The following GPR17 variants were observed in gnomAD, a reference collection of about 807,000 sequenced individuals.
The protein encoded by GPR17 is uracil nucleotide/cysteinyl leukotriene receptor.
In GPR17, 4 loss-of-function variants were observed where a neutral mutation model predicts 1.5. The observed-to-expected ratio is 2.73, with a 90% CI of 1.35 to 6.25. The LOEUF is 6.25. Among genes scored for constraint, GPR17 ranks in the 30% most tolerant of loss-of-function variants. The pLI is 0.00. For missense variants in GPR17, 463 were observed against 462.1 expected, an observed-to-expected ratio of 1.00 and a Z score of -0.02; for synonymous variants, 209 against 207.6, an observed-to-expected ratio of 1.01 and a Z score of -0.06.
chr2:127,650,347 A>G (rs1683603533), intron 1 of GPR17: 4 of 546,670 alleles, frequency 7.3e-6, no homozygotes, highest in Non-Finnish European at 1.3e-5. Context: ...CAGACAGCAC[A>G]CCTCAGAGGC....
At chr2:127,648,945 G>A (rs1410569496) in intron 1 of GPR17, among the ~76,000 whole-genome samples, 8 of 37,176 alleles carry the variant, frequency 2.2e-4, no homozygotes, top group African/African-American at 7.6e-4. Flanking sequence ...AAAAAAGAGA[G>A]GGAGGGGAGG....
chr2:127,651,324 C>T lies in GPR17; in HGVS notation c.589C>T (p.Leu197=). Residue 197 remains leucine, a synonymous_variant, in exon 2 of 2, where the codon CTG becomes TTG. Transcript: ENST00000486700. The stretch of plus-strand genomic sequence containing the variant: ...GGCCTCCCACCATGCCCTGGTGTCC[C>T]TGGCAGTGGCCTTCACCTTCCCGTT... ...EKASHHALVS[L]AVAFTFPFIT... The T allele has an allele frequency of 1.2e-6, 2 of 1,610,838 alleles. No individual in the cohort carries two copies. Among genetic ancestry groups the T allele is most frequent in the Non-Finnish European group, 1.7e-6 (2 of 1,180,032 alleles).
rs17852980 is a variant in GPR17, at chr2:127,650,855, G to A, written c.120G>A (p.Leu40=). 6.2e-7 allele frequency: 1 copy of A among 1,614,122 alleles called. No homozygotes were observed. Among genetic ancestry groups the A allele is most frequent in the Admixed American group, 1.7e-5 (1 of 60,034 alleles). ...ENMLFASFYL[L]DFILALVGNT... is the part of the protein sequence containing the mutation. ...TGCTGTTCGCCTCCTTCTACCTTCT[G>A]GATTTTATCCTGGCTTTAGTTGGCA... Residue 40 remains leucine (L), a synonymous_variant, in exon 2 of 2, where the codon CTG becomes CTA. Coordinates refer to ENST00000486700, the MANE Select transcript of GPR17 (RefSeq NM_001161417.2).
intron 1 of GPR17, 124 bp from the exon 2 acceptor site, chr2:127,650,592 G>T: frequency 1.5e-6 from 1 of 680,220 alleles, no homozygotes; most frequent in Non-Finnish European, 2.5e-6. Context: ...GCAGCCCCGT[G>T]GGCGGTGCTG....
intron 1 of GPR17, chr2:127,648,332 G>T: frequency 2.7e-6 from 1 of 367,168 alleles, no homozygotes; most frequent in Non-Finnish European, 3.8e-6. Flanking sequence ...AATATTATTA[G>T]GTAGTTGCCC....
intron 1 of GPR17, 21 bp from the exon 2 acceptor site, chr2:127,650,695 C>G: frequency 6.4e-7 from 1 of 1,558,902 alleles, no homozygotes; most frequent in Non-Finnish European, 8.8e-7. Context: ...TCATTGTGAA[C>G]TGTTTGCTTG....
In GPR17 at chr2:127,651,946, C is replaced by T. The variant is rs1406431438; in HGVS notation, c.*191C>T. Reference sequence around the variant, plus strand: ...CTGACAAAGGGGATCCATCGGCCACCCCTCTGCAGGGGCTTGTGATGGCTA... The same window carrying T: ...CTGACAAAGGGGATCCATCGGCCACTCCTCTGCAGGGGCTTGTGATGGCTA... On this transcript the variant is annotated 3_prime_UTR_variant, in exon 2 of 2. Transcript: ENST00000486700. The T allele has an allele frequency of 1.6e-6, 1 of 629,180 alleles. No individual in the cohort carries two copies. Among genetic ancestry groups the T allele is most frequent in the African/African-American group, 1.8e-5 (1 of 54,174 alleles). The allele number at this position is 629,180 out of a possible 1,614,324, so 39.0% of individuals were successfully genotyped here.
At chr2:127,649,007 A>G (rs1235361845) in intron 1 of GPR17, among the ~76,000 whole-genome samples, 14 of 25,068 alleles carry the variant, frequency 5.6e-4, no homozygotes, top group African/African-American at 7.0e-4. Context: ...GGAGGGGAGG[A>G]AGGGGAGGGA....
chr2:127,649,308 T>C (rs1683451185), intron 1 of GPR17, among the ~76,000 whole-genome samples: 1 of 152,158 alleles, frequency 6.6e-6, no homozygotes, highest in Admixed American at 6.5e-5. Flanking sequence ...CTGCCAGGGC[T>C]GTGGCCCGTG....
In GPR17 at chr2:127,651,069, T is replaced by C; in HGVS notation, c.334T>C (p.Tyr112His). The change falls in exon 2 of 2, where the codon TAC becomes CAC. Residue 112 changes from tyrosine (Y) to histidine (H), a missense_variant. Physicochemically the swap from Tyr to His is moderately conservative, Grantham distance 83. Transcript: ENST00000486700. Reference sequence around the variant, plus strand: ...ATGCCGTCTCACCGGCTTCCTCTTCTACCTCAACATGTACGCCAGCATCTA... The same window carrying C: ...ATGCCGTCTCACCGGCTTCCTCTTCCACCTCAACATGTACGCCAGCATCTA... ...IACRLTGFLF[Y>H]LNMYASIYFL... The C allele has an allele frequency of 6.2e-7, 1 of 1,613,790 alleles. No homozygotes were observed. The highest frequency in any genetic ancestry group is 8.5e-7 in the Non-Finnish European group (1 of 1,180,044).
At position 127,650,134 on chromosome 2, in the gene GPR17, G is replaced by A. The variant is rs527886867; in HGVS notation, c.-20-582G>A. The A allele has an allele frequency of 2.0e-4, 290 of 1,482,092 alleles. 1 individual carries two copies. The highest frequency in any genetic ancestry group is 2.4e-4 in the Non-Finnish European group (256 of 1,079,544). The allele number at this position is 1,482,092 out of a possible 1,614,324, so 91.8% of individuals were successfully genotyped here. ...GGTACAGCCCTTGCTGCCATCCTGGGGGCACCCTCCTAAGTGCCAGGGGCA... is the reference window on the plus strand; with the variant it reads ...GGTACAGCCCTTGCTGCCATCCTGGAGGCACCCTCCTAAGTGCCAGGGGCA... On this transcript the variant is annotated intron_variant, in intron 1 of 1. Transcript: ENST00000486700.
chr2:127,648,028 A>G (rs149228625), intron 1 of GPR17: 2 of 985,564 alleles, frequency 2.0e-6, no homozygotes, highest in East Asian at 1.1e-4. Flanking sequence ...TCTCCCAAGC[A>G]TCACTCACCC....
rs370895551 is a variant in GPR17 at position 127,651,163 on chromosome 2, G to C, written c.428G>C (p.Arg143Pro). The C allele has an allele frequency of 2.5e-6, 4 of 1,612,658 alleles. No homozygotes were observed. The highest frequency in any genetic ancestry group is 3.4e-6 in the Non-Finnish European group (4 of 1,179,980). ...CACCCGGTCAAGTCCCTCAAGCTCC[G>C]CAGGCCCCTCTACGCACACCTGGCC... ...IVHPVKSLKL[R>P]RPLYAHLACA... Residue 143 changes from arginine to proline, a missense_variant, in exon 2 of 2, where the codon CGC becomes CCC. Coordinates refer to ENST00000486700, the MANE Select transcript of GPR17 (RefSeq NM_001161417.2).
Position 127,646,159 on chromosome 2 carries a change from C to G in GPR17, c.-106C>G. On this transcript the variant is annotated 5_prime_UTR_variant, in exon 1 of 2. Transcript: ENST00000486700. ...GCGTTCCACCCACAGCGGCAAGGAG[C>G]CCCCTGCCACCACCGACACCCACGG... 6.6e-6 allele frequency: 1 copy of G among 152,418 alleles called. No individual in the cohort carries two copies. Among genetic ancestry groups the G allele is most frequent in the East Asian group, 1.9e-4 (1 of 5,196 alleles). 9.4% of individuals were successfully genotyped at this position (152,418 alleles called of 1,614,324 possible). A position where few individuals can be genotyped will look rare whatever the true frequency, so the allele number is the denominator to read the frequency against.
At chr2:127,650,013 T>A in intron 1 of GPR17, 1 of 1,607,970 alleles carries the variant, frequency 6.2e-7, no homozygotes, top group Non-Finnish European at 8.5e-7. Flanking sequence ...CCTGTCAGGA[T>A]GTCCAAACGG....
chr2:127,649,855 T>G, intron 1 of GPR17: 1 of 653,376 alleles, frequency 1.5e-6, no homozygotes, highest in Non-Finnish European at 2.6e-6. Flanking sequence ...TCAACAGCGC[T>G]GGCCAGTGTC....
chr2:127,649,256 C>T (rs887581769), intron 1 of GPR17, among the ~76,000 whole-genome samples: 10 of 151,376 alleles, frequency 6.6e-5, no homozygotes, highest in Middle Eastern at 3.4e-3. Flanking sequence ...GGCAGGACCC[C>T]GGCTGTTCGG....
chr2:127,648,011 G>A, intron 1 of GPR17: 2 of 985,636 alleles, frequency 2.0e-6, no homozygotes, highest in Non-Finnish European at 2.4e-6. Context: ...AGCCAAGCCT[G>A]TCTCCCTCTC....
At chr2:127,649,190 A>AGGAAGGAAGGAAGGAG (rs1558878478) in intron 1 of GPR17, among the ~76,000 whole-genome samples, 2 of 151,314 alleles carry the variant, frequency 1.3e-5, no homozygotes, top group African/African-American at 4.9e-5. Context: ...GAAGGAAGGA[A>AGGAAGGAAGGAAGGAG]GGAAGGAAGG....
Sources: allele counts gnomAD v4.1 joint callset (sites outside exome capture counted in the v4.1 genomes callset), GRCh38; gene constraint gnomAD v4.1.1; transcripts MANE v1.5; gene names NCBI Gene and HGNC (gene_info 2026-07-23, HGNC 2026-07-21).